The following QSER1 variants were observed in gnomAD, a reference collection of about 807,000 sequenced individuals.
QSER1 encodes the protein glutamine and serine rich 1.
QSER1 carries 49 observed loss-of-function variants against 158.5 expected under a neutral mutation model. That is an observed-to-expected ratio of 0.31 (90% CI 0.25 to 0.39). The LOEUF is 0.39. Ranked by LOEUF, QSER1 falls within the 10% of genes least tolerant of loss-of-function variation. The pLI is 1.00. For synonymous variants in QSER1, 650 were observed against 715.5 expected, an observed-to-expected ratio of 0.91 and a Z score of 1.46; for missense variants, 1,754 against 2,010.3, an observed-to-expected ratio of 0.87 and a Z score of 2.44.
intron 8 of QSER1, among the ~76,000 whole-genome samples, chr11:32,959,918 C>A (rs1852591298): frequency 6.6e-6 from 1 of 152,118 alleles, no homozygotes; most frequent in Admixed American, 6.5e-5. Context: ...GGCACCACCA[C>A]ACCCAGCTAA....
chr11:32,906,730 A>C (rs1851699592), intron 1 of QSER1, among the ~76,000 whole-genome samples: 1 of 152,132 alleles, frequency 6.6e-6, no homozygotes, highest in Non-Finnish European at 1.5e-5. Flanking sequence ...ACACTTGTAC[A>C]GAAAATTTCA....
Position 32,934,377 on chromosome 11 carries a change from G to A in QSER1, c.3119G>A (p.Gly1040Glu), listed in dbSNP as rs1172600364. The A allele has an allele frequency of 6.2e-7, 1 of 1,613,748 alleles. No individual in the cohort carries two copies. Residue 1040 changes from glycine (G) to glutamate (E), a missense_variant, in exon 4 of 13, where the codon GGA becomes GAA. By Grantham distance (98) the Gly-to-Glu change is moderately conservative (BLOSUM62 -2). Coordinates refer to ENST00000650167, the MANE Select transcript of QSER1 (RefSeq NM_001076786.3). ...TTTAACTCTATGACAGCTACAGTAG[G>A]AAAGCCACAGAATATAAATGATACT... Reference protein sequence around the residue: ...SDFNSMTATVGKPQNINDTSL... With the variant: ...SDFNSMTATVEKPQNINDTSL...
chr11:32,958,062 C>T lies in QSER1; in HGVS notation c.4945C>T (p.His1649Tyr). The change falls in exon 8 of 13, where the codon CAT (histidine) becomes TAT (tyrosine). Residue 1649 changes from histidine to tyrosine, a missense_variant. By Grantham distance (83) the His-to-Tyr change is moderately conservative. Transcript: ENST00000650167. Reference sequence around the variant, plus strand: ...CCAATCTGACTCATCTCCTGAGATCCATACTAGTAGTAGTGACGATGAGGG... The same window carrying T: ...CCAATCTGACTCATCTCCTGAGATCTATACTAGTAGTAGTGACGATGAGGG... ...SSQSDSSPEI[H>Y]TSSSDDEEFE... The T allele has an allele frequency of 6.2e-7, 1 of 1,614,044 alleles. No homozygotes were observed. Among genetic ancestry groups the T allele is most frequent in the Non-Finnish European group, 8.5e-7 (1 of 1,179,964 alleles).
In QSER1 at chr11:32,956,585, T is replaced by C. The variant is rs937059013; in HGVS notation, c.4751+464T>C. 2.6e-5 allele frequency among the ~76,000 whole-genome samples: 4 copies of C among 152,222 alleles called. No homozygotes were observed. In the East Asian group the frequency reaches 7.7e-4, roughly 29 times the overall value. ...TATTGTGTATTAATGTGACTCTGGG[T>C]TGTCTGGAGCATGAATCTGGAAGAT... On this transcript the variant is annotated intron_variant, in intron 7 of 12. Transcript: ENST00000650167.
At chr11:32,901,963 G>A (rs1364743973) in intron 1 of QSER1, among the ~76,000 whole-genome samples, 3 of 152,164 alleles carry the variant, frequency 2.0e-5, no homozygotes, top group African/African-American at 7.2e-5. Flanking sequence ...TGCGCCTGTG[G>A]TCCCAGCTAC....
At chr11:32,909,831 G>A (rs1401858528) in intron 1 of QSER1, among the ~76,000 whole-genome samples, 1 of 152,110 alleles carries the variant, frequency 6.6e-6, no homozygotes, top group Non-Finnish European at 1.5e-5. Context: ...GGGGGGTGTG[G>A]TCATGACATT....
rs370907155 is a variant in QSER1, at chr11:32,930,710, TTTG to T, written c.485-1027_485-1025del. ...TGATTGATCCCTTGTTTATGGACTTTTTGTTGTTTCTACTTACTGTAAACAATA... is the reference window on the plus strand; with the variant it reads ...TGATTGATCCCTTGTTTATGGACTTTTTGTTTCTACTTACTGTAAACAATA... On this transcript the variant is annotated intron_variant, in intron 3 of 12. Coordinates refer to ENST00000650167, the MANE Select transcript of QSER1 (RefSeq NM_001076786.3). 2.8e-3 allele frequency among the ~76,000 whole-genome samples: 432 copies of T among 152,326 alleles called. 3 individuals carry two copies. The highest frequency in any genetic ancestry group is 0.01 in the African/African-American group (417 of 41,582).
chr11:32,948,268 G>A (rs1184054541), intron 4 of QSER1, among the ~76,000 whole-genome samples: 1 of 152,208 alleles, frequency 6.6e-6, no homozygotes, highest in Non-Finnish European at 1.5e-5. Context: ...AGTGTTAAAT[G>A]TCATTCACTG....
chr11:32,892,860 C>CCGCCGCCGCCGCCGCCGT lies in QSER1; in HGVS notation c.-264_-263insCCGCCGCCGCCGCCGTCG, dbSNP rs1278731786. ...GGCGCAGCGGCCGCCGCCGCCGCCG[C>CCGCCGCCGCCGCCGCCGT]CGTCGCCGCGAGTCCCGGCCGCGGG... On this transcript the variant is annotated 5_prime_UTR_variant, in exon 1 of 13. Coordinates refer to ENST00000650167, the MANE Select transcript of QSER1 (RefSeq NM_001076786.3). Among the ~76,000 whole-genome samples, 1 of 148,396 alleles carries CCGCCGCCGCCGCCGCCGT rather than the reference C, an allele frequency of 6.7e-6. No individual in the cohort carries two copies. The highest frequency in any genetic ancestry group is 1.5e-5 in the Non-Finnish European group (1 of 66,768).
At chr11:32,939,393 CT>C (rs1852197432) in intron 4 of QSER1, among the ~76,000 whole-genome samples, 1 of 151,844 alleles carries the variant, frequency 6.6e-6, no homozygotes, top group African/African-American at 2.4e-5. Flanking sequence ...CCTTGAAGAT[CT>C]TTTAAAACTT....
At position 32,962,052 on chromosome 11, in the gene QSER1, A is replaced by G. The variant is rs184616441; in HGVS notation, c.4969+3966A>G. ...AATCCTATGTTTAGCCTTTAGAGGA[A>G]CCATCAAACTGTTTTCCACATGGTT... On this transcript the variant is annotated intron_variant, in intron 8 of 12. Transcript: ENST00000650167. 4.6e-5 allele frequency among the ~76,000 whole-genome samples: 7 copies of G among 152,298 alleles called. No homozygotes were observed. The East Asian group carries it at 1.2e-3, about 25-fold the overall frequency.
At chr11:32,952,598 A>C (rs1400448470) in intron 4 of QSER1, among the ~76,000 whole-genome samples, 2 of 152,112 alleles carry the variant, frequency 1.3e-5, no homozygotes, top group Non-Finnish European at 2.9e-5. Context: ...TGGTATTGGA[A>C]TAATACTGGC....
At chr11:32,896,372 G>A (rs1851555522) in intron 1 of QSER1, among the ~76,000 whole-genome samples, 1 of 151,880 alleles carries the variant, frequency 6.6e-6, no homozygotes, top group Admixed American at 6.6e-5. Flanking sequence ...TTTATTTTTT[G>A]CGATGGAGTT....
At position 32,933,009 on chromosome 11, in the gene QSER1, G is replaced by C. The variant is rs754749847; in HGVS notation, c.1751G>C (p.Ser584Thr). ...SSQSQVLSVV[S>T]LSESYASGES... is the part of the protein sequence containing the mutation. ...CAATCACAAGTTTTGTCAGTTGTTAGTCTTTCAGAAAGCTATGCTTCAGGG... is the reference window on the plus strand; with the variant it reads ...CAATCACAAGTTTTGTCAGTTGTTACTCTTTCAGAAAGCTATGCTTCAGGG... Residue 584 changes from serine to threonine, a missense_variant, in exon 4 of 13, where the codon AGT (serine) becomes ACT (threonine). Physicochemically the swap from Ser to Thr is moderately conservative, Grantham distance 58. Transcript: ENST00000650167. 1.2e-6 allele frequency: 2 copies of C among 1,612,330 alleles called. No homozygotes were observed. Among genetic ancestry groups the C allele is most frequent in the Non-Finnish European group, 1.7e-6 (2 of 1,179,994 alleles).
At chr11:32,922,709 T>C (rs1851914511) in intron 1 of QSER1, among the ~76,000 whole-genome samples, 1 of 152,022 alleles carries the variant, frequency 6.6e-6, no homozygotes, top group South Asian at 2.1e-4. Context: ...GGTCTTGAAC[T>C]CCTGACTTCA....
At chr11:32,946,938 G>A (rs1475094530) in intron 4 of QSER1, among the ~76,000 whole-genome samples, 8 of 152,332 alleles carry the variant, frequency 5.3e-5, no homozygotes, top group Admixed American at 1.3e-4. Flanking sequence ...GTGGTGCGCC[G>A]TTTTTTAAGC....
chr11:32,913,161 G>GGATAATT (rs1383220534), intron 1 of QSER1, among the ~76,000 whole-genome samples: 1 of 135,198 alleles, frequency 7.4e-6, no homozygotes, highest in Non-Finnish European at 1.6e-5. Flanking sequence ...TGCTTTCCCT[G>GGATAATT]GATAATTTCT....
chr11:32,927,640 C>T (rs972391825), intron 2 of QSER1, among the ~76,000 whole-genome samples: 1 of 152,168 alleles, frequency 6.6e-6, no homozygotes, highest in Non-Finnish European at 1.5e-5. Flanking sequence ...AACTCCTGAC[C>T]TTGTGATCCT....
intron 4 of QSER1, among the ~76,000 whole-genome samples, chr11:32,951,993 A>G (rs978212839): frequency 4.6e-5 from 7 of 151,938 alleles, no homozygotes; most frequent in African/African-American, 1.5e-4. Context: ...GTGTACCACC[A>G]TGCCTGGCTA....
Sources: allele counts gnomAD v4.1 joint callset (sites outside exome capture counted in the v4.1 genomes callset), GRCh38; gene constraint gnomAD v4.1.1; transcripts MANE v1.5; gene names NCBI Gene and HGNC (gene_info 2026-07-23, HGNC 2026-07-21).